Variants in IL1RAPL1 observed in about 807,000 individuals in gnomAD.
IL1RAPL1 encodes interleukin-1 receptor accessory protein-like 1.
IL1RAPL1 carries 3 observed loss-of-function variants against 48.4 expected under a neutral mutation model. The observed-to-expected ratio is 0.06, with a 90% confidence interval of 0.03 to 0.16. The LOEUF (loss-of-function observed/expected upper bound fraction) is 0.16, where lower values mean the gene tolerates loss of function less well. Among genes scored for constraint, IL1RAPL1 ranks in the 10% least tolerant of loss-of-function variants. The probability of loss-of-function intolerance (pLI) is 1.00; values close to 1 mark genes in which losing one functional copy is unlikely to be tolerated. For synonymous variants in IL1RAPL1, 185 were observed against 187.7 expected (o/e 0.99, Z 0.12); for missense variants, 349 against 530.6 (o/e 0.66, Z 3.36).
intron 5 of IL1RAPL1, among the ~76,000 whole-genome samples, chrX:29,448,759 T>G (rs1934640987): frequency 9.0e-6 from 1 of 111,660 alleles, no homozygotes; most frequent in Non-Finnish European, 1.9e-5. Flanking sequence ...TACCATAGAC[T>G]GGGTGACATA....
At chrX:29,699,284 C>A (rs996274743) in intron 6 of IL1RAPL1, among the ~76,000 whole-genome samples, 22 of 111,952 alleles carry the variant, frequency 2.0e-4, no homozygotes, top group African/African-American at 7.1e-4. Context: ...GTTTATTTTG[C>A]TTTGTTATTT....
intron 6 of IL1RAPL1, among the ~76,000 whole-genome samples, chrX:29,752,431 G>A (rs1283803902): frequency 9.8e-6 from 1 of 102,453 alleles, no homozygotes; most frequent in Non-Finnish European, 2.0e-5. Flanking sequence ...AGGAGGCGGA[G>A]GTTGCAGTGA....
chrX:28,952,047 A>T (rs940168803), intron 2 of IL1RAPL1, among the ~76,000 whole-genome samples: 1 of 110,955 alleles, frequency 9.0e-6, no homozygotes, highest in Non-Finnish European at 1.9e-5. Context: ...AAATTCAGTT[A>T]TGTCCAGTTA....
At chrX:29,174,772 A>T (rs145782866) in intron 2 of IL1RAPL1, among the ~76,000 whole-genome samples, 44 of 111,825 alleles carry the variant, frequency 3.9e-4, no homozygotes, top group Non-Finnish European at 7.9e-4. Flanking sequence ...AAGAAAAAGG[A>T]GGCACAAAAA....
chrX:29,166,034 G>T, intron 2 of IL1RAPL1, among the ~76,000 whole-genome samples: 1 of 112,703 alleles, frequency 8.9e-6, no homozygotes, highest in East Asian at 2.8e-4. Context: ...ATTACACATT[G>T]TCTATATGTA....
At chrX:29,597,189 T>C (rs1923579803) in intron 5 of IL1RAPL1, among the ~76,000 whole-genome samples, 1 of 104,146 alleles carries the variant, frequency 9.6e-6, no homozygotes, top group Non-Finnish European at 2.0e-5. Context: ...GTTTTGCTCT[T>C]GTTGCCCAGG....
chrX:29,633,529 A>C (rs2147080949), intron 5 of IL1RAPL1, among the ~76,000 whole-genome samples: 1 of 110,967 alleles, frequency 9.0e-6, no homozygotes, highest in African/African-American at 3.3e-5. Flanking sequence ...GAACTCAAAT[A>C]TTTAATTTGT....
intron 1 of IL1RAPL1, among the ~76,000 whole-genome samples, chrX:28,732,589 T>C (rs938072860): frequency 1.8e-5 from 2 of 112,179 alleles, no homozygotes; most frequent in Non-Finnish European, 3.8e-5. Flanking sequence ...TTCTTTCTGC[T>C]ACCTCATTTG....
intron 2 of IL1RAPL1, among the ~76,000 whole-genome samples, chrX:28,841,812 G>T (rs1921380087): frequency 1.8e-5 from 2 of 110,897 alleles, no homozygotes; most frequent in Admixed American, 1.9e-4. Context: ...GATTATTTAA[G>T]AGTTAAAATT....
intron 1 of IL1RAPL1, among the ~76,000 whole-genome samples, chrX:28,742,129 A>G (rs1000628196): frequency 9.0e-6 from 1 of 111,089 alleles, no homozygotes; most frequent in Non-Finnish European, 1.9e-5. Context: ...CAGTATGGAA[A>G]ATGACTATGC....
At chrX:29,252,393 A>C (rs1359883783) in intron 2 of IL1RAPL1, among the ~76,000 whole-genome samples, 2 of 114,059 alleles carry the variant, frequency 1.8e-5, no homozygotes. Flanking sequence ...TCAGTTTCCT[A>C]GTGGCCAGGG....
intron 5 of IL1RAPL1, chrX:29,574,222 T>C (rs987240341): frequency 9.2e-6 from 1 of 109,247 alleles, no homozygotes; most frequent in Non-Finnish European, 1.9e-5. Context: ...CCAGATCTCC[T>C]GAGAACTTAC....
chrX:29,692,503 G>A (rs1189119431), intron 6 of IL1RAPL1, among the ~76,000 whole-genome samples: 1 of 111,568 alleles, frequency 9.0e-6, no homozygotes, highest in African/African-American at 3.3e-5. Context: ...TTGTCTTCCT[G>A]TCTTCTTACT....
intron 6 of IL1RAPL1, among the ~76,000 whole-genome samples, chrX:29,895,113 C>T (rs758436375): frequency 8.2e-5 from 9 of 109,954 alleles, no homozygotes; most frequent in South Asian, 4.0e-4. Flanking sequence ...AGTGAGCCAC[C>T]GCGCCCGGCC....
chrX:29,443,946 G>A (rs746150879), intron 5 of IL1RAPL1, among the ~76,000 whole-genome samples: 3 of 112,292 alleles, frequency 2.7e-5, no homozygotes, highest in Admixed American at 9.4e-5. Context: ...TACTTTTGCC[G>A]ATGTCCCATT....
In IL1RAPL1 at chrX:29,206,631, G is replaced by A. The variant is rs143584884; in HGVS notation, c.83-76307G>A. ...TCCTATAAGTAAAATAAAATTAGAC[G>A]GATGTTTACATGGATTATCTCATTG... On this transcript the variant is annotated intron_variant, in intron 2 of 10. Transcript: ENST00000378993. 9.9e-3 allele frequency among the ~76,000 whole-genome samples: 1,097 copies of A among 111,105 alleles called. 19 individuals are homozygous for A. The highest frequency in any genetic ancestry group is 0.034 in the African/African-American group (1,051 of 30,617).
At chrX:29,183,050 G>C (rs1445736155) in intron 2 of IL1RAPL1, among the ~76,000 whole-genome samples, 1 of 111,610 alleles carries the variant, frequency 9.0e-6, no homozygotes, top group Non-Finnish European at 1.9e-5. Context: ...ACCCATTTTA[G>C]ACTTCTCACT....
At chrX:29,814,548 G>C (rs892368145) in intron 6 of IL1RAPL1, among the ~76,000 whole-genome samples, 3 of 111,494 alleles carry the variant, frequency 2.7e-5, no homozygotes, top group Non-Finnish European at 5.7e-5. Flanking sequence ...GTACTCTGTT[G>C]ATAGTTTCTT....
At chrX:28,660,932 A>G (rs1298286801) in intron 1 of IL1RAPL1, among the ~76,000 whole-genome samples, 1 of 111,866 alleles carries the variant, frequency 8.9e-6, no homozygotes, top group Non-Finnish European at 1.9e-5. Context: ...ATTATAACTC[A>G]AAGATGGGCC....
Sources: gnomAD v4.1 joint callset for allele counts (sites outside exome capture counted in the v4.1 genomes callset) on GRCh38, gnomAD v4.1.1 for gene constraint, MANE v1.5 for transcripts, NCBI Gene and HGNC (gene_info 2026-07-23, HGNC 2026-07-21) for gene names.